Variants in COL4A6 observed in about 807,000 individuals in gnomAD.
The protein encoded by COL4A6 is collagen type IV alpha 6 chain, also known as collagen alpha-6(IV) chain.
A neutral mutation model predicts 126.7 loss-of-function variants in COL4A6; 59 were observed. That is an observed-to-expected ratio of 0.47 (90% CI 0.38 to 0.58). COL4A6 has a LOEUF of 0.58. Ranked by LOEUF, COL4A6 falls within the 20% of genes least tolerant of loss-of-function variation. COL4A6 has a pLI of 0.00. For synonymous variants in COL4A6, 547 were observed against 496.6 expected (o/e 1.10, Z -1.35); for missense variants, 1,285 against 1,337.3 (o/e 0.96, Z 0.61).
At position 108,161,681 on chromosome X, in the gene COL4A6, C is replaced by T. The variant is rs2033943676; in HGVS notation, c.4271G>A (p.Gly1424Asp). The change falls in exon 42 of 45, where the codon GGC becomes GAC. Residue 1424 changes from glycine to aspartate, a missense_variant. Physicochemically the swap from Gly to Asp is moderately conservative, Grantham distance 94. Coordinates refer to ENST00000334504, the MANE Select transcript of COL4A6 (RefSeq NM_033641.4). ...PGKDGPSGLP[G>D]PPGALGDPGL... ...AGGATCACCAAGAGCCCCAGGTGGG[C>T]CTGGGAGCCCACTGGGGCCATCTTT... 1 of 1,191,379 alleles carries T rather than the reference C, an allele frequency of 8.4e-7. No homozygotes were observed. The highest frequency in any genetic ancestry group is 2.3e-5 in the Admixed American group (1 of 43,982).
intron 2 of COL4A6, among the ~76,000 whole-genome samples, chrX:108,313,117 T>G (rs1434559975): frequency 8.9e-6 from 1 of 112,511 alleles, no homozygotes; most frequent in Admixed American, 9.4e-5. Flanking sequence ...ATGCCAGCCC[T>G]GGCAGTTTCC....
At chrX:108,379,023 A>G (rs2040505176) in intron 2 of COL4A6, among the ~76,000 whole-genome samples, 1 of 112,263 alleles carries the variant, frequency 8.9e-6, no homozygotes, top group East Asian at 2.8e-4. Flanking sequence ...GAATGACTGC[A>G]TGGGACACAG....
chrX:108,274,233 G>A (rs1359364127), intron 3 of COL4A6, among the ~76,000 whole-genome samples: 1 of 111,826 alleles, frequency 8.9e-6, no homozygotes, highest in Non-Finnish European at 1.9e-5. Context: ...AAGCACCAGG[G>A]TCAGTCAGGA....
At chrX:108,389,346 A>T (rs2040777688) in intron 2 of COL4A6, among the ~76,000 whole-genome samples, 1 of 111,556 alleles carries the variant, frequency 9.0e-6, no homozygotes, top group South Asian at 3.8e-4. Flanking sequence ...ATTGTGTGTG[A>T]GTCTAAGTCT....
chrX:108,359,162 C>A (rs1483492691), intron 2 of COL4A6, among the ~76,000 whole-genome samples: 2 of 112,369 alleles, frequency 1.8e-5, no homozygotes, highest in African/African-American at 6.5e-5. Context: ...GGCTCCTTCT[C>A]CACCTCGTAA....
At chrX:108,332,383 A>T (rs894187613) in intron 2 of COL4A6, among the ~76,000 whole-genome samples, 9 of 111,825 alleles carry the variant, frequency 8.0e-5, no homozygotes, top group African/African-American at 9.7e-5. Context: ...ATTGCTGGAC[A>T]CACAGTAGTG....
chrX:108,326,653 G>T (rs1023309504), intron 2 of COL4A6, among the ~76,000 whole-genome samples: 1 of 112,417 alleles, frequency 8.9e-6, no homozygotes, highest in African/African-American at 3.2e-5. Flanking sequence ...ATAGTCAACT[G>T]ATTTTTGACA....
chrX:108,343,112 C>G (rs1042483527), intron 2 of COL4A6, among the ~76,000 whole-genome samples: 1 of 88,389 alleles, frequency 1.1e-5, no homozygotes, highest in Non-Finnish European at 2.1e-5. Flanking sequence ...AGGAAAAGAG[C>G]GCTATGAAAA....
chrX:108,204,442 G>C, intron 11 of COL4A6, 30 bp from the exon 12 acceptor site: 2 of 1,137,383 alleles, frequency 1.8e-6, no homozygotes. Flanking sequence ...ATTAAGCAAA[G>C]TGACAATCAC....
At position 108,226,052 on chromosome X, in the gene COL4A6, C is replaced by T. The variant is rs1314740905; in HGVS notation, c.145-4678G>A. 2.7e-5 allele frequency among the ~76,000 whole-genome samples: 3 copies of T among 112,384 alleles called. No homozygotes were observed. The Admixed American group carries it at 2.8e-4, about 11-fold the overall frequency. ...TCCAGTTGTATTGTAGAAGGTGATG[C>T]AGTGCTGTTAGGTACACTTTAAATG... On this transcript the variant is annotated intron_variant, in intron 3 of 44. Transcript: ENST00000334504.
chrX:108,235,424 G>A (rs1260832376), intron 3 of COL4A6, among the ~76,000 whole-genome samples: 1 of 111,432 alleles, frequency 9.0e-6, no homozygotes, highest in African/African-American at 3.3e-5. Flanking sequence ...AGCAACCTGA[G>A]GATTCACATG....
intron 19 of COL4A6, among the ~76,000 whole-genome samples, chrX:108,190,867 T>A (rs778284171): frequency 8.9e-6 from 1 of 112,244 alleles, no homozygotes; most frequent in African/African-American, 3.2e-5. Context: ...GGCTTTAAGG[T>A]ACAGAGAAAC....
rs775101174 is a variant in COL4A6, at chrX:108,175,675, C to A, written c.2809G>T (p.Ala937Ser). ...TCACCCTTTTCACCAGGAGTACCAG[C>A]ACGTCCAGATGGTCCCATTTTTCCA... ...STGKMGPSGR[A>S]GTPGEKGDRG... Residue 937 changes from alanine (A) to serine (S), a missense_variant, in exon 29 of 45, where the codon GCT (alanine) becomes TCT (serine). Physicochemically the swap from Ala to Ser is moderately conservative, Grantham distance 99. Coordinates refer to ENST00000334504, the MANE Select transcript of COL4A6 (RefSeq NM_033641.4). 11 of 1,203,610 alleles carry A rather than the reference C, an allele frequency of 9.1e-6. No homozygotes were observed. The African/African-American group carries it at 1.4e-4, about 15-fold the overall frequency.
chrX:108,194,500 T>C (rs2035148801), intron 16 of COL4A6, 34 bp downstream of exon 16: 3 of 1,182,430 alleles, frequency 2.5e-6, no homozygotes, highest in South Asian at 1.9e-5. Flanking sequence ...CTCTTCTACC[T>C]ACCAACCCTG....
intron 3 of COL4A6, among the ~76,000 whole-genome samples, chrX:108,294,172 A>T (rs995073923): frequency 1.8e-5 from 2 of 111,992 alleles, no homozygotes; most frequent in Admixed American, 1.9e-4. Flanking sequence ...TGAGGCTTAC[A>T]GGGGTCAACT....
Position 108,279,584 on chromosome X carries a change from C to T in COL4A6, c.144+31164G>A, listed in dbSNP as rs148353876. Among the ~76,000 whole-genome samples, 443 of 111,382 alleles carry T rather than the reference C, an allele frequency of 4.0e-3. 1 individual carries two copies. The highest frequency in any genetic ancestry group is 0.014 in the African/African-American group (425 of 30,646). ...CCACTGTCAACATTAGACAGATCAA[C>T]GAGACAGAGAGTTAATAAGGATACC... On this transcript the variant is annotated intron_variant, in intron 3 of 44. Coordinates refer to ENST00000334504, the MANE Select transcript of COL4A6 (RefSeq NM_033641.4).
At chrX:108,233,925 C>T (rs911491199) in intron 3 of COL4A6, among the ~76,000 whole-genome samples, 1 of 111,944 alleles carries the variant, frequency 8.9e-6, no homozygotes, top group Non-Finnish European at 1.9e-5. Flanking sequence ...GAGATCTCCA[C>T]ATTTGTGATA....
At chrX:108,292,773 C>A (rs1484003245) in intron 3 of COL4A6, among the ~76,000 whole-genome samples, 3 of 108,713 alleles carry the variant, frequency 2.8e-5, no homozygotes, top group African/African-American at 1.0e-4. Flanking sequence ...TCTCAGCCCC[C>A]ATCTCAGCCT....
chrX:108,273,633 A>G (rs1041494629), intron 3 of COL4A6, among the ~76,000 whole-genome samples: 1 of 112,302 alleles, frequency 8.9e-6, no homozygotes, highest in African/African-American at 3.2e-5. Flanking sequence ...CATATACACC[A>G]TGGAATACTA....
Sources: allele counts gnomAD v4.1 joint callset (sites outside exome capture counted in the v4.1 genomes callset), GRCh38; gene constraint gnomAD v4.1.1; transcripts MANE v1.5; gene names NCBI Gene and HGNC (gene_info 2026-07-23, HGNC 2026-07-21).